Variants in NRXN1 observed in about 807,000 individuals in gnomAD.
The protein encoded by NRXN1 is neurexin-1.
Under a neutral mutation model 150.9 loss-of-function variants are expected in NRXN1, and 39 were observed. That is an observed-to-expected ratio of 0.26 (90% CI 0.20 to 0.34). NRXN1 has a LOEUF of 0.34. NRXN1 is among the 10% of genes least tolerant of loss of function. The pLI, the probability that NRXN1 is intolerant of heterozygous loss-of-function variation, is 1.00. For synonymous variants in NRXN1, 924 were observed against 757.0 expected, an observed-to-expected ratio of 1.22 and a Z score of -3.62; for missense variants, 1,815 against 1,949.9, an observed-to-expected ratio of 0.93 and a Z score of 1.30.
At chr2:50,017,926 T>C (rs916702689) in intron 21 of NRXN1, among the ~76,000 whole-genome samples, 90 of 152,272 alleles carry the variant, frequency 5.9e-4, no homozygotes, top group African/African-American at 2.1e-3. Context: ...CAGGATCTTT[T>C]CCCAGAATGT....
Position 49,918,667 on chromosome 2 carries a change from A to C in NRXN1, c.*3277T>G, listed in dbSNP as rs1667712018. 6.6e-6 allele frequency: 1 copy of C among 152,120 alleles called. No individual in the cohort carries two copies. The highest frequency in any genetic ancestry group is 6.5e-5 in the Admixed American group (1 of 15,272). 9.4% of individuals were successfully genotyped at this position (152,120 alleles called of 1,614,324 possible). ...TATCAAGATGAACAAATATAACAAA[A>C]GTACATTTAATGGCTACATCTTTAA... On this transcript the variant is annotated 3_prime_UTR_variant, in exon 23 of 23. Transcript: ENST00000401669.
intron 17 of NRXN1, among the ~76,000 whole-genome samples, chr2:50,345,287 A>T (rs1328641158): frequency 2.6e-5 from 4 of 152,154 alleles, no homozygotes; most frequent in Non-Finnish European, 5.9e-5. Context: ...GTCTCTCTTC[A>T]GTTAGATTAT....
intron 19 of NRXN1, among the ~76,000 whole-genome samples, chr2:50,072,222 C>T (rs1696390102): frequency 6.6e-6 from 1 of 152,162 alleles, no homozygotes; most frequent in East Asian, 1.9e-4. Context: ...ACACCTGCTA[C>T]GCGGATGACT....
intron 5 of NRXN1, among the ~76,000 whole-genome samples, chr2:50,837,688 G>T (rs1422548105): frequency 6.6e-6 from 1 of 152,014 alleles, no homozygotes; most frequent in Non-Finnish European, 1.5e-5. Context: ...TATTATATGA[G>T]ATGCATACAA....
chr2:50,852,411 T>A (rs1674648753), intron 5 of NRXN1, among the ~76,000 whole-genome samples: 3 of 152,182 alleles, frequency 2.0e-5, no homozygotes, highest in African/African-American at 7.2e-5. Flanking sequence ...CTTTTGTTGT[T>A]ACGTTAAAAT....
At chr2:50,957,035 T>G (rs1692393954) in intron 2 of NRXN1, among the ~76,000 whole-genome samples, 1 of 152,150 alleles carries the variant, frequency 6.6e-6, no homozygotes, top group Non-Finnish European at 1.5e-5. Context: ...ATTGGGAGTA[T>G]GTGGGGTTAG....
At chr2:51,021,050 A>G (rs1669523880) in intron 2 of NRXN1, among the ~76,000 whole-genome samples, 1 of 152,016 alleles carries the variant, frequency 6.6e-6, no homozygotes, top group African/African-American at 2.4e-5. Context: ...TCCTATACTT[A>G]TGAATAATGA....
At chr2:49,939,218 C>G (rs78173418) in intron 22 of NRXN1, among the ~76,000 whole-genome samples, 1 of 152,126 alleles carries the variant, frequency 6.6e-6, no homozygotes, top group Non-Finnish European at 1.5e-5. Context: ...CCAGCAATCA[C>G]AATTTTTTTC....
At chr2:50,016,247 C>T (rs1016934966) in intron 21 of NRXN1, among the ~76,000 whole-genome samples, 4 of 151,920 alleles carry the variant, frequency 2.6e-5, no homozygotes, top group Non-Finnish European at 4.4e-5. Context: ...AGGATAAGAC[C>T]GAGGGTTTCA....
At chr2:50,564,460 ATC>A (rs766260245) in intron 8 of NRXN1, among the ~76,000 whole-genome samples, 18 of 152,172 alleles carry the variant, frequency 1.2e-4, no homozygotes, top group Non-Finnish European at 2.1e-4. Flanking sequence ...ATTTTATCTC[ATC>A]TCTCTGGAAC....
chr2:50,680,428 C>A (rs907386268), intron 5 of NRXN1, among the ~76,000 whole-genome samples: 1 of 151,966 alleles, frequency 6.6e-6, no homozygotes. Flanking sequence ...AGCAAGCAAG[C>A]TTTTGCTTTT....
chr2:50,180,525 G>A (rs1405148134), intron 18 of NRXN1, among the ~76,000 whole-genome samples: 1 of 152,034 alleles, frequency 6.6e-6, no homozygotes, highest in Non-Finnish European at 1.5e-5. Context: ...GATAATGAGA[G>A]CTCTACCCTC....
intron 17 of NRXN1, among the ~76,000 whole-genome samples, chr2:50,404,164 G>A (rs1294868548): frequency 6.9e-6 from 1 of 145,064 alleles, no homozygotes; most frequent in Admixed American, 7.0e-5. Context: ...GTTTTTTTTT[G>A]TTTGTTTTGT....
At chr2:50,392,553 CAG>C (rs2081793106) in intron 17 of NRXN1, among the ~76,000 whole-genome samples, 1 of 152,036 alleles carries the variant, frequency 6.6e-6, no homozygotes, top group Non-Finnish European at 1.5e-5. Flanking sequence ...TATCATAAAT[CAG>C]TTCTAAATTT....
At chr2:50,388,795 T>C (rs1157886849) in intron 17 of NRXN1, among the ~76,000 whole-genome samples, 1 of 152,144 alleles carries the variant, frequency 6.6e-6, no homozygotes, top group Non-Finnish European at 1.5e-5. Context: ...TTCCATTTCT[T>C]TGACACCCTT....
At chr2:50,575,286 G>T (rs1487251559) in intron 8 of NRXN1, among the ~76,000 whole-genome samples, 1 of 152,174 alleles carries the variant, frequency 6.6e-6, no homozygotes, top group South Asian at 2.1e-4. Context: ...CAAAATGAAT[G>T]AAGTTTGTGT....
intron 21 of NRXN1, among the ~76,000 whole-genome samples, chr2:50,045,033 A>G (rs1691593738): frequency 6.6e-6 from 1 of 152,158 alleles, no homozygotes; most frequent in Non-Finnish European, 1.5e-5. Context: ...TGATAACAAG[A>G]ATACAGTGAA....
chr2:50,802,760 A>G lies in NRXN1; in HGVS notation c.832+119109T>C, dbSNP rs191240880. The stretch of plus-strand genomic sequence containing the variant: ...TATGATTTTTTGCTCTGACTAAAAG[A>G]AGAAATTGGGACAAAGAGATAGACA... On this transcript the variant is annotated intron_variant, in intron 5 of 22. Transcript: ENST00000401669. Among the ~76,000 whole-genome samples the G allele has an allele frequency of 5.9e-5, 9 of 152,226 alleles. No individual in the cohort carries two copies. In the East Asian group the frequency reaches 1.7e-3, roughly 29 times the overall value.
At chr2:50,291,640 G>A (rs1481970830) in intron 17 of NRXN1, among the ~76,000 whole-genome samples, 2 of 152,148 alleles carry the variant, frequency 1.3e-5, no homozygotes, top group Non-Finnish European at 2.9e-5. Flanking sequence ...CGAATTTTCA[G>A]GAGATGAGTG....
Sources: allele counts gnomAD v4.1 joint callset (sites outside exome capture counted in the v4.1 genomes callset), GRCh38; gene constraint gnomAD v4.1.1; transcripts MANE v1.5; gene names NCBI Gene and HGNC (gene_info 2026-07-23, HGNC 2026-07-21).